Variants in SLC11A2 observed in about 807,000 individuals in gnomAD.
The protein encoded by SLC11A2 is natural resistance-associated macrophage protein 2.
A neutral mutation model predicts 68.0 loss-of-function variants in SLC11A2; 38 were observed. The ratio of observed to expected loss-of-function variants is 0.56; its 90% CI spans 0.43 to 0.73. The LOEUF (loss-of-function observed/expected upper bound fraction) is 0.73. SLC11A2 is among the 30% of genes least tolerant of loss of function. The pLI is 0.00. For missense variants in SLC11A2, 517 were observed against 690.5 expected (o/e 0.75, Z 2.82); for synonymous variants, 242 against 250.6 (o/e 0.97, Z 0.32).
upstream of SLC11A2, among the ~76,000 whole-genome samples, chr12:51,026,977 G>A (rs1944419922): frequency 6.6e-6 from 1 of 152,164 alleles, no homozygotes. Flanking sequence ...GGGAGTTTGA[G>A]ACCAGCCTGA....
upstream of SLC11A2, among the ~76,000 whole-genome samples, chr12:51,027,175 TA>T (rs35801453): frequency 0.88 from 124,801 of 141,850 alleles, 55,301 homozygotes; most frequent in East Asian, 0.98. Context: ...AAACTCCGTC[TA>T]AAAAAAAAAA....
Position 50,990,843 on chromosome 12 carries a change from C to T in SLC11A2, c.1527G>A (p.Val509=). ...VRDLGHVALY[V]VAAVVSVAYL... is the part of the protein sequence containing the mutation. ...AAGCCACGCTGACCACAGCAGCCAC[C>T]ACATATAATGCCACATGCCCTAGGT... The change falls in exon 15 of 16, where the codon GTG becomes GTA. Residue 509 remains valine, a synonymous_variant. Coordinates refer to ENST00000262052, the MANE Select transcript of SLC11A2 (RefSeq NM_000617.3). 1.2e-6 allele frequency: 2 copies of T among 1,614,128 alleles called. No individual in the cohort carries two copies. The highest frequency in any genetic ancestry group is 1.7e-6 in the Non-Finnish European group (2 of 1,179,998).
chr12:50,969,526 G>A, the SLC11A2 span, among the ~76,000 whole-genome samples: 2 of 151,642 alleles, frequency 1.3e-5, no homozygotes, highest in Non-Finnish European at 1.5e-5. Flanking sequence ...ATGGCGAAAC[G>A]CTGTCTGTAC....
At position 51,001,164 on chromosome 12, in the gene SLC11A2, C is replaced by CA. The variant is rs34496378; in HGVS notation, c.430-746dup. Among the ~76,000 whole-genome samples the CA allele has an allele frequency of 9.8e-3, 1,012 of 103,694 alleles. 16 individuals carry two copies. Among genetic ancestry groups the CA allele is most frequent in the East Asian group, 0.044 (154 of 3,502 alleles). 68.0% of individuals were successfully genotyped at this position (103,694 alleles called of 152,430 possible). The stretch of plus-strand genomic sequence containing the variant: ...TGGACAACAAAGCGAGACTCCATCT[C>CA]AAAAAAAAAAAAAAAAGGTTGGGGT... On this transcript the variant is annotated intron_variant, in intron 5 of 15. Coordinates refer to ENST00000262052, the MANE Select transcript of SLC11A2 (RefSeq NM_000617.3).
At position 50,987,727 on chromosome 12, in the gene SLC11A2, C is replaced by T. The variant is rs1026837943; in HGVS notation, c.*598G>A. The T allele has an allele frequency of 1.2e-5, 16 of 1,287,026 alleles. No individual in the cohort carries two copies. Among genetic ancestry groups the T allele is most frequent in the African/African-American group, 7.6e-5 (5 of 65,782 alleles). The allele number at this position is 1,287,026 out of a possible 1,614,324, so 79.7% of individuals were successfully genotyped here. A position where few individuals can be genotyped will look rare whatever the true frequency, so the allele number is the denominator to read the frequency against. On this transcript the variant is annotated 3_prime_UTR_variant, in exon 16 of 16. Transcript: ENST00000262052. ...TCCCCTTCTTTGTTTTCTCACCCCT[C>T]TTAACTTCCACTGAGAAATTAAAGT... is the stretch of plus-strand genomic sequence containing the variant.
intron 9 of SLC11A2, among the ~76,000 whole-genome samples, chr12:50,996,000 C>T (rs538690138): frequency 6.6e-6 from 1 of 152,310 alleles, no homozygotes; most frequent in East Asian, 1.9e-4. Flanking sequence ...TTTCGTTGAA[C>T]TGTACATTCC....
intron 1 of SLC11A2, among the ~76,000 whole-genome samples, chr12:51,011,900 T>G (rs1039894568): frequency 1.3e-5 from 2 of 152,148 alleles, no homozygotes; most frequent in African/African-American, 4.8e-5. Flanking sequence ...GTAATTCTCT[T>G]TGGTCTAAAA....
Position 50,999,696 on chromosome 12 carries a change from A to T in SLC11A2, c.537-281T>A, listed in dbSNP as rs75540884. 950 of 445,992 alleles carry T rather than the reference A, an allele frequency of 2.1e-3. 9 individuals carry two copies. Among genetic ancestry groups the T allele is most frequent in the African/African-American group, 0.017 (871 of 50,218 alleles). The allele number at this position is 445,992 out of a possible 1,614,324, so 27.6% of individuals were successfully genotyped here. On this transcript the variant is annotated intron_variant, in intron 6 of 15. Coordinates refer to ENST00000262052, the MANE Select transcript of SLC11A2 (RefSeq NM_000617.3). Reference sequence around the variant, plus strand: ...TGGAGTTAGACAGATAGAATTTTATAGGATTAGATAGATAGTATCTAGTGG... The same window carrying T: ...TGGAGTTAGACAGATAGAATTTTATTGGATTAGATAGATAGTATCTAGTGG...
the SLC11A2 span, among the ~76,000 whole-genome samples, chr12:50,961,384 C>G: frequency 6.6e-6 from 1 of 152,140 alleles, no homozygotes; most frequent in Non-Finnish European, 1.5e-5. Flanking sequence ...TCCTATAACT[C>G]AAGCGCAGCA....
chr12:51,015,258 C>T (rs978543195), intron 1 of SLC11A2, among the ~76,000 whole-genome samples: 9 of 151,442 alleles, frequency 5.9e-5, no homozygotes, highest in Admixed American at 3.3e-4. Context: ...GGCGGATCAC[C>T]TGAGGTCGGG....
chr12:51,018,346 A>G (rs1943805963), intron 1 of SLC11A2, among the ~76,000 whole-genome samples: 1 of 152,080 alleles, frequency 6.6e-6, no homozygotes, highest in Admixed American at 6.6e-5. Flanking sequence ...GTGAGCCGAG[A>G]TCATGCCACT....
Position 50,987,583 on chromosome 12 carries a change from C to A in SLC11A2, c.*742G>T, listed in dbSNP as rs1300995756. 7.8e-7 allele frequency: 1 copy of A among 1,287,018 alleles called. No individual in the cohort carries two copies. The highest frequency in any genetic ancestry group is 1.0e-6 in the Non-Finnish European group (1 of 988,672). 79.7% of individuals were successfully genotyped at this position (1,287,018 alleles called of 1,614,324 possible). A position where few individuals can be genotyped will look rare whatever the true frequency, so the allele number is the denominator to read the frequency against. On this transcript the variant is annotated 3_prime_UTR_variant, in exon 16 of 16. Coordinates refer to ENST00000262052, the MANE Select transcript of SLC11A2 (RefSeq NM_000617.3). ...ATCAGGAAAGCTCTGTACTAACAGGCAGGTTATTAAGACTCCCAAGAAATC... is the reference window on the plus strand; with the variant it reads ...ATCAGGAAAGCTCTGTACTAACAGGAAGGTTATTAAGACTCCCAAGAAATC...
intron 1 of SLC11A2, among the ~76,000 whole-genome samples, chr12:51,011,724 G>A (rs1334992703): frequency 6.6e-6 from 1 of 151,738 alleles, no homozygotes; most frequent in South Asian, 2.1e-4. Context: ...CACCATGCCT[G>A]GCTAATTTTT....
At chr12:51,016,893 C>T (rs923409675) in intron 1 of SLC11A2, among the ~76,000 whole-genome samples, 4 of 142,842 alleles carry the variant, frequency 2.8e-5, no homozygotes, top group South Asian at 2.2e-4. Flanking sequence ...TGGTGGTGGG[C>T]GTCTGTAGTC....
rs1374881194 is a variant in SLC11A2, at chr12:51,026,378, C to A, written c.-107G>T. On this transcript the variant is annotated 5_prime_UTR_variant, in exon 1 of 16. Transcript: ENST00000262052. Reference sequence around the variant, plus strand: ...GGGCTCCATATTCCGGGAGCCAGCGCCACGCTGGCTAACGCCCTCCCCTCC... The same window carrying A: ...GGGCTCCATATTCCGGGAGCCAGCGACACGCTGGCTAACGCCCTCCCCTCC... The A allele has an allele frequency of 1.6e-6, 2 of 1,279,496 alleles. No homozygotes were observed. Among genetic ancestry groups the A allele is most frequent in the Non-Finnish European group, 2.0e-6 (2 of 982,164 alleles). 79.3% of individuals were successfully genotyped at this position (1,279,496 alleles called of 1,614,324 possible). A position where few individuals can be genotyped will look rare whatever the true frequency, so the allele number is the denominator to read the frequency against.
chr12:50,953,657 G>C, the SLC11A2 span, among the ~76,000 whole-genome samples: 1 of 152,224 alleles, frequency 6.6e-6, no homozygotes, highest in African/African-American at 2.4e-5. Context: ...CAAATACAGT[G>C]CTTGTGGAAG....
At chr12:50,966,889 G>A in the SLC11A2 span, among the ~76,000 whole-genome samples, 1 of 152,108 alleles carries the variant, frequency 6.6e-6, no homozygotes, top group African/African-American at 2.4e-5. Flanking sequence ...GCCAAGGTGG[G>A]TAGATCATTT....
At chr12:50,997,019 G>T in intron 8 of SLC11A2, 47 bp from the exon 9 acceptor site, 4 of 1,474,572 alleles carry the variant, frequency 2.7e-6, no homozygotes, top group South Asian at 1.1e-5. Context: ...AACGTGAAAC[G>T]GGAGTAACAT....
chr12:51,007,838 G>A (rs1320689117), intron 3 of SLC11A2, among the ~76,000 whole-genome samples: 6 of 151,368 alleles, frequency 4.0e-5, no homozygotes, highest in African/African-American at 9.7e-5. Flanking sequence ...ACAGGGTTTC[G>A]CCATATTGGC....
Sources: allele counts gnomAD v4.1 joint callset (sites outside exome capture counted in the v4.1 genomes callset), GRCh38; gene constraint gnomAD v4.1.1; transcripts MANE v1.5; gene names NCBI Gene and HGNC (gene_info 2026-07-23, HGNC 2026-07-21).